Variants in MAP3K1 observed in about 807,000 individuals in gnomAD.
The protein encoded by MAP3K1 is MAP/ERK kinase kinase 1.
A neutral mutation model predicts 144.2 loss-of-function variants in MAP3K1; 36 were observed. That is an observed-to-expected ratio of 0.25 (90% CI 0.19 to 0.33). The LOEUF is 0.33. Ranked by LOEUF, MAP3K1 falls within the 10% of genes least tolerant of loss-of-function variation. The probability of loss-of-function intolerance (pLI) is 1.00; values close to 1 mark genes in which losing one functional copy is unlikely to be tolerated. For missense variants in MAP3K1, 1,650 were observed against 1,881.9 expected (o/e 0.88, Z 2.28); for synonymous variants, 718 against 688.7 (o/e 1.04, Z -0.67).
At chr5:56,833,869 T>G (rs147904188) in intron 1 of MAP3K1, among the ~76,000 whole-genome samples, 137 of 152,292 alleles carry the variant, frequency 9.0e-4, no homozygotes, top group Middle Eastern at 6.8e-3. Context: ...TACTGGTGGT[T>G]GTTCTTTACT....
intron 19 of MAP3K1, among the ~76,000 whole-genome samples, chr5:56,890,800 A>G (rs990134151): frequency 6.6e-6 from 1 of 151,982 alleles, no homozygotes; most frequent in African/African-American, 2.4e-5. Flanking sequence ...TAATCCCAGC[A>G]CTTTGGGAGG....
At chr5:56,845,177 A>G (rs1310168064) in intron 1 of MAP3K1, among the ~76,000 whole-genome samples, 1 of 152,246 alleles carries the variant, frequency 6.6e-6, no homozygotes, top group African/African-American at 2.4e-5. Flanking sequence ...GGTAAGAATT[A>G]TAGTAAGTTG....
chr5:56,846,571 C>G (rs1044605572), intron 1 of MAP3K1, among the ~76,000 whole-genome samples: 2 of 152,192 alleles, frequency 1.3e-5, no homozygotes, highest in African/African-American at 4.8e-5. Context: ...TTTGTCTTAT[C>G]TCTTTTAGAT....
intron 18 of MAP3K1, 46 bp from the exon 19 acceptor site, chr5:56,888,180 T>C: frequency 6.3e-7 from 1 of 1,595,784 alleles, no homozygotes; most frequent in Non-Finnish European, 8.6e-7. Context: ...TGGCCTTCTC[T>C]TTTTCAAATG....
rs1423821881 is a variant in MAP3K1, at chr5:56,895,257, A to G, written c.*1577A>G. Reference sequence around the variant, plus strand: ...TGAATATGTTTCTTAGTGAAATTTTACATTCCTTTGTTTTGGAAGATTGGC... The same window carrying G: ...TGAATATGTTTCTTAGTGAAATTTTGCATTCCTTTGTTTTGGAAGATTGGC... On this transcript the variant is annotated 3_prime_UTR_variant, in exon 20 of 20. Coordinates refer to ENST00000399503, the MANE Select transcript of MAP3K1 (RefSeq NM_005921.2). 2 of 232,146 alleles carry G rather than the reference A, an allele frequency of 8.6e-6. No individual in the cohort carries two copies. The highest frequency in any genetic ancestry group is 1.8e-4 in the South Asian group (1 of 5,528). 14.4% of individuals were successfully genotyped at this position (232,146 alleles called of 1,614,324 possible).
chr5:56,888,404 C>T, intron 19 of MAP3K1, 47 bp downstream of exon 19: 1 of 1,593,384 alleles, frequency 6.3e-7, no homozygotes, highest in Non-Finnish European at 8.6e-7. Flanking sequence ...AGGAGTACAG[C>T]AGAATTTGGC....
At position 56,879,118 on chromosome 5, in the gene MAP3K1, G is replaced by C. The variant is rs1338692596; in HGVS notation, c.2087+17G>C. On this transcript the variant is annotated intron_variant, in intron 11 of 19. Coordinates refer to ENST00000399503, the MANE Select transcript of MAP3K1 (RefSeq NM_005921.2). ...TGCCAATAGGTAAGGCTTTATTGAT[G>C]AATCACTTCAAACCCTCTTGTCTTA... The C allele has an allele frequency of 2.5e-6, 4 of 1,613,626 alleles. No homozygotes were observed. The highest frequency in any genetic ancestry group is 3.4e-6 in the Non-Finnish European group (4 of 1,179,738).
intron 17 of MAP3K1, 55 bp downstream of exon 17, chr5:56,886,118 T>C (rs1007937041): frequency 3.4e-5 from 50 of 1,488,770 alleles, no homozygotes; most frequent in Non-Finnish European, 4.7e-5. Context: ...ATTTTAAAAT[T>C]TGGGGCCAGG....
chr5:56,866,539 A>G (rs952061934), intron 6 of MAP3K1, among the ~76,000 whole-genome samples: 3 of 152,136 alleles, frequency 2.0e-5, no homozygotes, highest in African/African-American at 7.2e-5. Context: ...TCTGTTCTGT[A>G]TATTGCTTTA....
chr5:56,837,835 T>C (rs1579728104), intron 1 of MAP3K1, among the ~76,000 whole-genome samples: 1 of 152,160 alleles, frequency 6.6e-6, no homozygotes, highest in African/African-American at 2.4e-5. Context: ...CAGTGCTCTT[T>C]GCTGAGTGAG....
intron 10 of MAP3K1, 115 bp downstream of exon 10, chr5:56,875,425 AT>A: frequency 1.8e-6 from 2 of 1,098,760 alleles, no homozygotes; most frequent in Non-Finnish European, 2.7e-6. Flanking sequence ...GAAAATCCAA[AT>A]TTTATTTTTA....
intron 1 of MAP3K1, among the ~76,000 whole-genome samples, chr5:56,849,986 G>A (rs961440897): frequency 3.9e-5 from 6 of 152,138 alleles, no homozygotes; most frequent in African/African-American, 1.2e-4. Context: ...TAAGAGCCGC[G>A]TCTCAAGAGA....
intron 1 of MAP3K1, among the ~76,000 whole-genome samples, chr5:56,839,426 T>G (rs1019531889): frequency 3.3e-5 from 5 of 152,200 alleles, no homozygotes; most frequent in African/African-American, 1.2e-4. Context: ...GTGTACAGAT[T>G]AATGGTATAA....
At chr5:56,856,283 C>T (rs1352837701) in intron 1 of MAP3K1, among the ~76,000 whole-genome samples, 1 of 152,144 alleles carries the variant, frequency 6.6e-6, no homozygotes, top group Non-Finnish European at 1.5e-5. Flanking sequence ...TGTAGTAATA[C>T]ACCCTTCTAA....
At chr5:56,877,753 T>A (rs148923956) in intron 10 of MAP3K1, among the ~76,000 whole-genome samples, 60 of 152,234 alleles carry the variant, frequency 3.9e-4, no homozygotes, top group African/African-American at 1.3e-3. Context: ...ATTTCACCAG[T>A]TTTTCTGCTG....
intron 6 of MAP3K1, among the ~76,000 whole-genome samples, chr5:56,869,715 T>C (rs1321478834): frequency 1.3e-5 from 2 of 152,234 alleles, no homozygotes; most frequent in Non-Finnish European, 2.9e-5. Context: ...AACTTTATTT[T>C]CCTCTATGAA....
Position 56,871,991 on chromosome 5 carries a change from C to A in MAP3K1, c.1383C>A (p.Asp461Glu). The A allele has an allele frequency of 6.2e-7, 1 of 1,613,946 alleles. No homozygotes were observed. The highest frequency in any genetic ancestry group is 8.5e-7 in the Non-Finnish European group (1 of 1,179,890). ...AAGAAAGTCTTACAGTGTGTGAAGA[C>A]GGCTGCAGGAACAAGCTGCACCACC... is the stretch of plus-strand genomic sequence containing the variant. Reference protein sequence around the residue: ...LDEESLTVCEDGCRNKLHHHC... With the variant: ...LDEESLTVCEEGCRNKLHHHC... The change falls in exon 7 of 20, where the codon GAC becomes GAA. Residue 461 changes from aspartate to glutamate, a missense_variant. Around this residue, in one of 6 missense-constraint regions of MAP3K1, gnomAD observed 125 missense variants for 179.9 expected, o/e 0.69. Transcript: ENST00000399503.
chr5:56,828,387 C>T (rs112131565), intron 1 of MAP3K1, among the ~76,000 whole-genome samples: 83 of 152,258 alleles, frequency 5.5e-4, no homozygotes, highest in Admixed American at 1.2e-3. Context: ...TCTAGCAACT[C>T]TCCAAAAATT....
Position 56,881,269 on chromosome 5 carries a change from T to C in MAP3K1, c.2366T>C (p.Ile789Thr). The C allele has an allele frequency of 6.2e-7, 1 of 1,612,476 alleles. No homozygotes were observed. Among genetic ancestry groups the C allele is most frequent in the East Asian group, 2.2e-5 (1 of 44,822 alleles). Residue 789 changes from isoleucine (I) to threonine (T), a missense_variant, in exon 13 of 20, where the codon ATC (isoleucine) becomes ACC (threonine). Around this residue, in one of 6 missense-constraint regions of MAP3K1, gnomAD observed 841 missense variants for 886.5 expected, o/e 0.95. Coordinates refer to ENST00000399503, the MANE Select transcript of MAP3K1 (RefSeq NM_005921.2). Reference sequence around the variant, plus strand: ...GTTTCACAAGCTGAGCCTGTTGAAATCAGGTAATTTTTCTTCTGAAAATGT... The same window carrying C: ...GTTTCACAAGCTGAGCCTGTTGAAACCAGGTAATTTTTCTTCTGAAAATGT... ...TDVSQAEPVE[I>T]RYKKLLSLLT...
Sources: allele counts gnomAD v4.1 joint callset (sites outside exome capture counted in the v4.1 genomes callset), GRCh38; gene constraint gnomAD v4.1.1; regional missense constraint gnomAD v4.1.1; transcripts MANE v1.5; gene names NCBI Gene and HGNC (gene_info 2026-07-23, HGNC 2026-07-21).